Variants in NOVA1 observed in about 807,000 individuals in gnomAD.
NOVA1 encodes the protein NOVA alternative splicing regulator 1, also known as RNA-binding protein Nova-1.
In NOVA1, 7 loss-of-function variants were observed where a neutral mutation model predicts 38.0. The observed-to-expected ratio is 0.18, with a 90% confidence interval of 0.10 to 0.35. The LOEUF (loss-of-function observed/expected upper bound fraction) is 0.35, where lower values mean the gene tolerates loss of function less well. NOVA1 is among the 10% of genes least tolerant of loss of function. NOVA1 has a pLI of 1.00. For missense variants in NOVA1, 460 were observed against 616.0 expected (o/e 0.75, Z 2.68); for synonymous variants, 270 against 232.5 (o/e 1.16, Z -1.47).
intron 2 of NOVA1, among the ~76,000 whole-genome samples, chr14:26,533,352 C>T (rs1466293854): frequency 6.6e-6 from 1 of 152,166 alleles, no homozygotes; most frequent in Non-Finnish European, 1.5e-5. Flanking sequence ...GCATTAACCA[C>T]TCCCACTTCC....
intron 4 of NOVA1, among the ~76,000 whole-genome samples, chr14:26,456,626 A>C (rs905081793): frequency 6.6e-6 from 1 of 152,004 alleles, no homozygotes; most frequent in Non-Finnish European, 1.5e-5. Context: ...TTTTTAAAAC[A>C]TTGGTGTCCG....
intron 2 of NOVA1, among the ~76,000 whole-genome samples, chr14:26,520,360 C>A (rs939012201): frequency 1.3e-5 from 2 of 152,116 alleles, no homozygotes; most frequent in Admixed American, 6.5e-5. Context: ...TTGGTATCCA[C>A]GAAGGTGCTG....
At chr14:26,454,128 A>C (rs1293245712) in intron 4 of NOVA1, among the ~76,000 whole-genome samples, 2 of 152,218 alleles carry the variant, frequency 1.3e-5, no homozygotes, top group Non-Finnish European at 2.9e-5. Context: ...TACACATAAA[A>C]TACACTAATG....
chr14:26,573,549 AAGATAAAG>A (rs1489726352), intron 2 of NOVA1, among the ~76,000 whole-genome samples: 1 of 152,158 alleles, frequency 6.6e-6, no homozygotes, highest in Non-Finnish European at 1.5e-5. Context: ...GAATCTGAAA[AAGATAAAG>A]GGGGGCATGA....
intron 4 of NOVA1, among the ~76,000 whole-genome samples, chr14:26,468,415 C>A (rs1884320623): frequency 1.3e-5 from 2 of 152,156 alleles, no homozygotes; most frequent in Non-Finnish European, 2.9e-5. Context: ...CCAGCCAACA[C>A]TGATTGCAGC....
rs780278738 is a variant in NOVA1, at chr14:26,448,981, A to G, written c.520-18T>C. On this transcript the variant is annotated intron_variant, in intron 4 of 4. Transcript: ENST00000539517. The surrounding 1 kb of genome is among the most constrained non-coding windows in gnomAD (Gnocchi z 5.3). ...ATCTTTACCTGTAATTAAAAAAAAT[A>G]CGTATAAATAATACTTCTGTTTTGT... The G allele has an allele frequency of 1.9e-6, 3 of 1,578,016 alleles. No individual in the cohort carries two copies. Among genetic ancestry groups the G allele is most frequent in the Middle Eastern group, 1.7e-4 (1 of 5,846 alleles).
chr14:26,587,581 C>A (rs1893605150), intron 2 of NOVA1, among the ~76,000 whole-genome samples: 2 of 150,810 alleles, frequency 1.3e-5, no homozygotes, highest in African/African-American at 4.8e-5. Flanking sequence ...TTAAAGAAAT[C>A]ATCATCATAG....
In NOVA1 at chr14:26,443,445, A is replaced by G. The variant is rs891573560; in HGVS notation, c.*4514T>C. The G allele has an allele frequency of 2.0e-5, 3 of 152,026 alleles. No homozygotes were observed. Among genetic ancestry groups the G allele is most frequent in the African/African-American group, 7.2e-5 (3 of 41,418 alleles). The allele number at this position is 152,026 out of a possible 1,614,324, so 9.4% of individuals were successfully genotyped here. On this transcript the variant is annotated 3_prime_UTR_variant, in exon 5 of 5. Transcript: ENST00000539517. ...CAAGGTAATGCTTCAATTTTCAAGAACAGTTTTTTTTGTTTATATAGACCA... is the reference window on the plus strand; with the variant it reads ...CAAGGTAATGCTTCAATTTTCAAGAGCAGTTTTTTTTGTTTATATAGACCA...
intron 2 of NOVA1, among the ~76,000 whole-genome samples, chr14:26,506,185 G>C (rs1887626441): frequency 8.1e-6 from 1 of 124,056 alleles, no homozygotes; most frequent in South Asian, 3.3e-4. Flanking sequence ...CTCATTCTTA[G>C]GCCCATGCTA....
chr14:26,555,264 G>T (rs911354758), intron 2 of NOVA1, among the ~76,000 whole-genome samples: 1 of 151,956 alleles, frequency 6.6e-6, no homozygotes, highest in South Asian at 2.1e-4. Flanking sequence ...AAAATTTAAT[G>T]GGCATTCTCT....
At chr14:26,496,844 T>C (rs1403755306) in intron 2 of NOVA1, among the ~76,000 whole-genome samples, 1 of 152,160 alleles carries the variant, frequency 6.6e-6, no homozygotes, top group Non-Finnish European at 1.5e-5. Context: ...TTCTGTTCCA[T>C]TGATCTATAT....
In NOVA1 at chr14:26,480,084, C is replaced by T. The variant is rs149966590; in HGVS notation, c.340G>A (p.Gly114Arg). Residue 114 changes from glycine to arginine, a missense_variant, in exon 3 of 5, where the codon GGA becomes AGA. By Grantham distance (125) the Gly-to-Arg change is moderately radical. Coordinates refer to ENST00000539517, the MANE Select transcript of NOVA1 (RefSeq NM_002515.3). Reference sequence around the variant, plus strand: ...TCTCGAATTTTTTCTGCAATGAATCCATGAACTGCATTCAGTGCTTCAACC... The same window carrying T: ...TCTCGAATTTTTTCTGCAATGAATCTATGAACTGCATTCAGTGCTTCAACC... Reference protein sequence around the residue: ...GTVEALNAVHGFIAEKIREMP... With the variant: ...GTVEALNAVHRFIAEKIREMP... 3.7e-6 allele frequency: 6 copies of T among 1,613,872 alleles called. No individual in the cohort carries two copies. Among genetic ancestry groups the T allele is most frequent in the Non-Finnish European group, 5.1e-6 (6 of 1,179,958 alleles).
intron 2 of NOVA1, among the ~76,000 whole-genome samples, chr14:26,518,501 C>G (rs2138491313): frequency 6.6e-6 from 1 of 152,062 alleles, no homozygotes; most frequent in Middle Eastern, 3.4e-3. Context: ...AAGTCTAAAT[C>G]TTATTTTTAA....
intron 2 of NOVA1, among the ~76,000 whole-genome samples, chr14:26,560,686 C>T (rs1170496130): frequency 6.6e-6 from 1 of 152,080 alleles, no homozygotes; most frequent in Non-Finnish European, 1.5e-5. Flanking sequence ...TATTTACACA[C>T]ATAAACATAT....
intron 2 of NOVA1, among the ~76,000 whole-genome samples, chr14:26,493,962 T>C (rs1429564799): frequency 1.3e-5 from 2 of 152,170 alleles, no homozygotes; most frequent in South Asian, 2.1e-4. Context: ...TATCATACCC[T>C]TAAAATAACA....
At chr14:26,574,551 G>A in intron 2 of NOVA1, among the ~76,000 whole-genome samples, 1 of 151,856 alleles carries the variant, frequency 6.6e-6, no homozygotes, top group Admixed American at 6.6e-5. Flanking sequence ...TTAACAAATA[G>A]CTTTAGGTTT....
At chr14:26,481,485 T>C (rs1253919036) in intron 2 of NOVA1, among the ~76,000 whole-genome samples, 1 of 152,070 alleles carries the variant, frequency 6.6e-6, no homozygotes, top group Non-Finnish European at 1.5e-5. Flanking sequence ...AAGACAGAAT[T>C]AGATTACAGG....
intron 2 of NOVA1, among the ~76,000 whole-genome samples, chr14:26,527,546 G>A (rs527340803): frequency 1.9e-3 from 290 of 151,958 alleles, no homozygotes; most frequent in Non-Finnish European, 3.2e-3. Flanking sequence ...TCTCTAACAC[G>A]TAAGGTCAAG....
At chr14:26,463,453 G>C (rs1250910048) in intron 4 of NOVA1, among the ~76,000 whole-genome samples, 1 of 152,102 alleles carries the variant, frequency 6.6e-6, no homozygotes, top group African/African-American at 2.4e-5. Context: ...GATGACTGGT[G>C]AGTTAAACAT....
Sources: gnomAD v4.1 joint callset for allele counts (sites outside exome capture counted in the v4.1 genomes callset) on GRCh38, gnomAD v4.1.1 for gene constraint, Gnocchi (gnomAD v3.1) non-coding constraint, MANE v1.5 for transcripts, NCBI Gene and HGNC (gene_info 2026-07-23, HGNC 2026-07-21) for gene names.